The following ATG5 variants were observed in gnomAD, a reference collection of about 807,000 sequenced individuals.
The protein encoded by ATG5 is autophagy related 5.
ATG5 carries 14 observed loss-of-function variants against 36.5 expected under a neutral mutation model. The ratio of observed to expected loss-of-function variants is 0.38; its 90% CI spans 0.25 to 0.60. ATG5 has a LOEUF of 0.60. Ranked by LOEUF, ATG5 falls within the 20% of genes least tolerant of loss-of-function variation. The pLI is 0.60. For missense variants in ATG5, 195 were observed against 326.7 expected (o/e 0.60, Z 3.11); for synonymous variants, 95 against 101.5 (o/e 0.94, Z 0.38).
intron 6 of ATG5, among the ~76,000 whole-genome samples, chr6:106,243,187 C>T (rs1778192749): frequency 6.6e-6 from 1 of 152,078 alleles, no homozygotes; most frequent in South Asian, 2.1e-4. Flanking sequence ...AGCCAGTAAA[C>T]CTCCCAAAAG....
intron 5 of ATG5, among the ~76,000 whole-genome samples, chr6:106,266,451 C>G (rs1045467429): frequency 6.6e-6 from 1 of 152,216 alleles, no homozygotes; most frequent in African/African-American, 2.4e-5. Context: ...CCTTCTGAAA[C>G]TATTCCAAAC....
intron 5 of ATG5, among the ~76,000 whole-genome samples, chr6:106,255,980 G>A (rs1778784109): frequency 6.6e-6 from 1 of 152,080 alleles, no homozygotes; most frequent in Non-Finnish European, 1.5e-5. Flanking sequence ...GCCGAAATTA[G>A]TTTATTACTT....
chr6:106,299,932 CAA>C (rs1251403987), intron 3 of ATG5, among the ~76,000 whole-genome samples: 1 of 152,178 alleles, frequency 6.6e-6, no homozygotes, highest in African/African-American at 2.4e-5. Flanking sequence ...ATTGTAACTG[CAA>C]GCATGTAACT....
chr6:106,277,528 C>T (rs1779705993), intron 5 of ATG5, among the ~76,000 whole-genome samples: 1 of 152,202 alleles, frequency 6.6e-6, no homozygotes, highest in Non-Finnish European at 1.5e-5. Flanking sequence ...TAAATATACA[C>T]TAGAGGCTGA....
intron 2 of ATG5, among the ~76,000 whole-genome samples, chr6:106,308,812 A>T (rs918821181): frequency 6.6e-6 from 1 of 152,210 alleles, no homozygotes; most frequent in African/African-American, 2.4e-5. Context: ...TATTGGTTCT[A>T]TAAAATTTAA....
At chr6:106,281,731 T>C (rs775091336) in intron 4 of ATG5, among the ~76,000 whole-genome samples, 1 of 152,262 alleles carries the variant, frequency 6.6e-6, no homozygotes, top group Non-Finnish European at 1.5e-5. Flanking sequence ...GTGTATGTTC[T>C]AACTTTACTT....
intron 3 of ATG5, among the ~76,000 whole-genome samples, chr6:106,298,384 A>ATTATAT (rs1770063417): frequency 6.6e-6 from 1 of 152,066 alleles, no homozygotes; most frequent in Non-Finnish European, 1.5e-5. Context: ...CTTCCTTAAA[A>ATTATAT]TTATATTTAA....
chr6:106,195,995 A>G (rs1276796744), intron 7 of ATG5, among the ~76,000 whole-genome samples: 1 of 152,124 alleles, frequency 6.6e-6, no homozygotes, highest in Non-Finnish European at 1.5e-5. Flanking sequence ...ACCTGGGTAT[A>G]AGAGCAGAAT....
chr6:106,293,774 A>C (rs1431781962), intron 3 of ATG5, among the ~76,000 whole-genome samples: 1 of 152,234 alleles, frequency 6.6e-6, no homozygotes, highest in African/African-American at 2.4e-5. Context: ...CATTACCCAC[A>C]GTGAAGTAAA....
At chr6:106,302,075 G>A (rs891242519) in intron 3 of ATG5, among the ~76,000 whole-genome samples, 1 of 151,748 alleles carries the variant, frequency 6.6e-6, no homozygotes, top group Non-Finnish European at 1.5e-5. Context: ...GTGTAGAGAT[G>A]GCACAAACGT....
intron 7 of ATG5, among the ~76,000 whole-genome samples, chr6:106,199,329 A>C (rs953822479): frequency 2.0e-5 from 3 of 152,256 alleles, no homozygotes. Flanking sequence ...AACACCCATC[A>C]GCTGGTACAG....
chr6:106,227,613 T>TA (rs1375827136), intron 6 of ATG5, among the ~76,000 whole-genome samples: 2 of 152,136 alleles, frequency 1.3e-5, no homozygotes, highest in Non-Finnish European at 2.9e-5. Flanking sequence ...AACCAAAAAC[T>TA]ACATGCAGAA....
intron 2 of ATG5, among the ~76,000 whole-genome samples, chr6:106,310,311 C>T (rs1347869194): frequency 6.6e-6 from 1 of 152,008 alleles, no homozygotes; most frequent in South Asian, 2.1e-4. Flanking sequence ...TTTTCTGTTC[C>T]GTTTGGCCTG....
chr6:106,283,461 C>G (rs542956761), intron 4 of ATG5: 1 of 152,094 alleles, frequency 6.6e-6, no homozygotes, highest in Non-Finnish European at 1.5e-5. Flanking sequence ...AGTGGCTACT[C>G]ACAGGTGCAC....
intron 2 of ATG5, among the ~76,000 whole-genome samples, chr6:106,312,661 T>C (rs188479764): frequency 2.2e-3 from 238 of 109,502 alleles, no homozygotes; most frequent in Middle Eastern, 4.4e-3. Flanking sequence ...CACACACACA[T>C]AAAAACCAGA....
At chr6:106,280,274 C>CAAAAAAA (rs71793771) in intron 4 of ATG5, among the ~76,000 whole-genome samples, 1 of 87,356 alleles carries the variant, frequency 1.1e-5, no homozygotes, top group Non-Finnish European at 2.4e-5. Flanking sequence ...AGTATTATGT[C>CAAAAAAA]AAAAAAAAAA....
At chr6:106,307,535 C>CTTTTTTTTTT (rs34511184) in intron 3 of ATG5, among the ~76,000 whole-genome samples, 1 of 105,158 alleles carries the variant, frequency 9.5e-6, no homozygotes, top group African/African-American at 3.5e-5. Context: ...TTTCAATACC[C>CTTTTTTTTTT]TTTTTTTTTT....
intron 7 of ATG5, among the ~76,000 whole-genome samples, chr6:106,190,830 T>G (rs530188926): frequency 1.3e-5 from 2 of 152,298 alleles, no homozygotes; most frequent in South Asian, 4.1e-4. Context: ...TAACTTCTTA[T>G]GTATATATTA....
intron 5 of ATG5, among the ~76,000 whole-genome samples, chr6:106,264,314 G>A (rs747072627): frequency 2.0e-5 from 3 of 152,064 alleles, no homozygotes; most frequent in Non-Finnish European, 4.4e-5. Flanking sequence ...AAAAAGGAAC[G>A]AATGAAGCCT....
Sources: allele counts gnomAD v4.1 joint callset (sites outside exome capture counted in the v4.1 genomes callset), GRCh38; gene constraint gnomAD v4.1.1; transcripts MANE v1.5; gene names NCBI Gene and HGNC (gene_info 2026-07-23, HGNC 2026-07-21).